The following FRMD4B variants were observed in gnomAD, a reference collection of about 807,000 sequenced individuals.
The protein encoded by FRMD4B is FERM domain containing 4B.
In FRMD4B, 74 loss-of-function variants were observed where a neutral mutation model predicts 141.5. The observed-to-expected ratio is 0.52, with a 90% confidence interval of 0.43 to 0.63. FRMD4B has a LOEUF of 0.63. Ranked by LOEUF, FRMD4B falls within the 30% of genes least tolerant of loss-of-function variation. The pLI, the probability that FRMD4B is intolerant of heterozygous loss-of-function variation, is 0.00. For missense variants in FRMD4B, 1,366 were observed against 1,253.4 expected (o/e 1.09, Z -1.36); for synonymous variants, 506 against 467.9 (o/e 1.08, Z -1.05).
At chr3:69,232,854 A>G (rs779869981) in intron 7 of FRMD4B, among the ~76,000 whole-genome samples, 177 of 150,354 alleles carry the variant, frequency 1.2e-3, no homozygotes, top group Non-Finnish European at 2.2e-3. Context: ...CCATTTGTAG[A>G]ACAGCTTAAA....
At chr3:69,526,057 C>A (rs1254578240) in intron 1 of FRMD4B, among the ~76,000 whole-genome samples, 1 of 152,162 alleles carries the variant, frequency 6.6e-6, no homozygotes, top group Non-Finnish European at 1.5e-5. Context: ...CTTCCAACTG[C>A]CAGCACCTGA....
At chr3:69,501,228 C>CT (rs534864440) in intron 1 of FRMD4B, among the ~76,000 whole-genome samples, 1,735 of 117,256 alleles carry the variant, frequency 0.015, 26 homozygotes, top group African/African-American at 0.024. Flanking sequence ...CATGGACCTT[C>CT]TTTTTTTTTT....
intron 2 of FRMD4B, among the ~76,000 whole-genome samples, chr3:69,415,956 A>C (rs1458785666): frequency 6.6e-6 from 1 of 152,230 alleles, no homozygotes; most frequent in Non-Finnish European, 1.5e-5. Context: ...CTATGAAATT[A>C]ATCATTTATT....
chr3:69,478,767 T>C (rs1706053432), intron 1 of FRMD4B, among the ~76,000 whole-genome samples: 1 of 152,142 alleles, frequency 6.6e-6, no homozygotes, highest in Non-Finnish European at 1.5e-5. Flanking sequence ...CCTTGTTAAC[T>C]TTCTGTCTCG....
intron 5 of FRMD4B, among the ~76,000 whole-genome samples, chr3:69,287,396 G>A (rs931796473): frequency 1.9e-4 from 29 of 152,204 alleles, no homozygotes; most frequent in African/African-American, 7.0e-4. Flanking sequence ...ATTACTGTAA[G>A]TGTAGGGCAT....
At chr3:69,173,704 G>A (rs1244073787) in intron 22 of FRMD4B, among the ~76,000 whole-genome samples, 2 of 152,070 alleles carry the variant, frequency 1.3e-5, no homozygotes, top group Non-Finnish European at 2.9e-5. Flanking sequence ...TGGCTGGAAA[G>A]GCAAAGTTGC....
At chr3:69,385,632 A>G (rs1704232215) in intron 1 of FRMD4B, among the ~76,000 whole-genome samples, 196 bp downstream of exon 1, 1 of 152,128 alleles carries the variant, frequency 6.6e-6, no homozygotes, top group Admixed American at 6.5e-5. Flanking sequence ...AGTGCCCCCC[A>G]TGCCCGATTT....
chr3:69,313,454 G>T lies in FRMD4B; in HGVS notation c.226C>A (p.Gln76Lys). 6.4e-7 allele frequency: 1 copy of T among 1,567,488 alleles called. No individual in the cohort carries two copies. Among genetic ancestry groups the T allele is most frequent in the Non-Finnish European group, 8.7e-7 (1 of 1,154,838 alleles). Residue 76 changes from glutamine (Q) to lysine (K), a missense_variant and splice_region_variant, in exon 2 of 23, where the codon CAG becomes AAG. By Grantham distance (53) the Gln-to-Lys change is moderately conservative. Transcript: ENST00000398540. ...ACACACATGTGGGCCACACCTACCT[G>T]AACCAGCAGCTCCAGTCTCCTATCA... ...LDDRRLELLV[Q>K]PKLLARELLD...
chr3:69,471,478 AC>A (rs1457285306), intron 1 of FRMD4B: 1 of 262,660 alleles, frequency 3.8e-6, no homozygotes, highest in Non-Finnish European at 7.5e-6. Context: ...TAATTTCATG[AC>A]CCCTTTTAAA....
At chr3:69,201,821 A>T (rs1428814972) in intron 11 of FRMD4B, among the ~76,000 whole-genome samples, 1 of 152,166 alleles carries the variant, frequency 6.6e-6, no homozygotes, top group East Asian at 1.9e-4. Flanking sequence ...CAGGCAGTTG[A>T]ACGGTGTTCA....
intron 1 of FRMD4B, among the ~76,000 whole-genome samples, chr3:69,323,587 A>ACT (rs1202175989): frequency 2.4e-4 from 25 of 103,090 alleles, no homozygotes; most frequent in East Asian, 6.2e-4. Flanking sequence ...CAAAAACCCA[A>ACT]CTCTCTCTCT....
At chr3:69,344,024 G>A (rs1050221067) in intron 1 of FRMD4B, among the ~76,000 whole-genome samples, 10 of 152,212 alleles carry the variant, frequency 6.6e-5, no homozygotes, top group Admixed American at 6.5e-4. Flanking sequence ...GCCGAAGCCT[G>A]ACACATTGCT....
At chr3:69,401,608 G>A (rs1376998676) in intron 2 of FRMD4B, among the ~76,000 whole-genome samples, 1 of 152,146 alleles carries the variant, frequency 6.6e-6, no homozygotes, top group Non-Finnish European at 1.5e-5. Flanking sequence ...GAAGTGCAGT[G>A]GTGCCACCAC....
intron 5 of FRMD4B, among the ~76,000 whole-genome samples, chr3:69,260,882 G>A (rs1474767678): frequency 6.6e-6 from 1 of 152,244 alleles, no homozygotes; most frequent in Non-Finnish European, 1.5e-5. Context: ...CTAGAGGATT[G>A]TAAATACACC....
At chr3:69,270,405 T>C (rs374331972) in intron 5 of FRMD4B, among the ~76,000 whole-genome samples, 1 of 151,986 alleles carries the variant, frequency 6.6e-6, no homozygotes, top group Non-Finnish European at 1.5e-5. Flanking sequence ...GAAAAATAGA[T>C]GACAGATAGA....
At chr3:69,212,302 G>C (rs1358474015) in intron 11 of FRMD4B, among the ~76,000 whole-genome samples, 1 of 132,356 alleles carries the variant, frequency 7.6e-6, no homozygotes, top group South Asian at 2.6e-4. Flanking sequence ...GGAGGTTGCA[G>C]TGAGCCAAGA....
chr3:69,365,340 A>G (rs1348888779), intron 1 of FRMD4B, among the ~76,000 whole-genome samples: 1 of 152,180 alleles, frequency 6.6e-6, no homozygotes, highest in African/African-American at 2.4e-5. Flanking sequence ...GGTCCTTAAG[A>G]AAGTTATGGA....
At chr3:69,447,018 T>C (rs1705419596) in intron 1 of FRMD4B, among the ~76,000 whole-genome samples, 1 of 152,144 alleles carries the variant, frequency 6.6e-6, no homozygotes, top group Non-Finnish European at 1.5e-5. Flanking sequence ...AGGGAAATTT[T>C]GCTGAGATAC....
chr3:69,331,040 T>TC (rs141835839), intron 1 of FRMD4B, among the ~76,000 whole-genome samples: 8,219 of 152,300 alleles, frequency 0.054, 771 homozygotes, highest in African/African-American at 0.19. Context: ...AACGAACGTG[T>TC]CTTGTGAGAG....
Sources: gnomAD v4.1 joint callset for allele counts (sites outside exome capture counted in the v4.1 genomes callset) on GRCh38, gnomAD v4.1.1 for gene constraint, MANE v1.5 for transcripts, NCBI Gene and HGNC (gene_info 2026-07-23, HGNC 2026-07-21) for gene names.